LILRB2: variants seen among roughly 807,000 people sequenced by gnomAD.
LILRB2 encodes the protein leukocyte immunoglobulin-like receptor subfamily B member 2.
LILRB2 carries 47 observed loss-of-function variants against 72.7 expected under a neutral mutation model. The observed-to-expected ratio is 0.65, with a 90% CI of 0.51 to 0.82. LILRB2 has a LOEUF of 0.82. Among genes scored for constraint, LILRB2 ranks in the 40% least tolerant of loss-of-function variants. The pLI is 0.00. For missense variants in LILRB2, 767 were observed against 764.8 expected, an observed-to-expected ratio of 1.00 and a Z score of -0.03; for synonymous variants, 279 against 313.7, an observed-to-expected ratio of 0.89 and a Z score of 1.17.
chr19:54,279,580 G>A lies in LILRB2; in HGVS notation c.423C>T (p.Thr141=). Residue 141 remains threonine (T), a synonymous_variant, in exon 5 of 14, where the codon ACC becomes ACT. Transcript: ENST00000314446. ...SPVVTSGGRV[T]LQCESQVAFG... ...ATGCCACCTGTGACTCACACTGGAG[G>A]GTCACCCTTCCTCCTGAGGTCACCA... The A allele has an allele frequency of 6.2e-7, 1 of 1,614,156 alleles. No homozygotes were observed. Among genetic ancestry groups the A allele is most frequent in the Non-Finnish European group, 8.5e-7 (1 of 1,180,012 alleles).
rs1367017918 is a variant in LILRB2, at chr19:54,276,470, G to C, written c.1481-14C>G. On this transcript the variant is annotated splice_polypyrimidine_tract_variant and intron_variant, in intron 10 of 13. Coordinates refer to ENST00000314446, the MANE Select transcript of LILRB2 (RefSeq NM_001080978.4). ...CCTTTCTCTGGGCTGGGGGAAGAAG[G>C]ACAGAGCCTCAGCCCTGGGAACATT... 6.4e-7 allele frequency: 1 copy of C among 1,554,838 alleles called. No homozygotes were observed. The highest frequency in any genetic ancestry group is 1.2e-5 in the South Asian group (1 of 86,638).
rs2080229671 is a variant in LILRB2, at chr19:54,276,413, C to A, written c.1524G>T (p.Gly508=). The A allele has an allele frequency of 6.2e-7, 1 of 1,600,156 alleles. No homozygotes were observed. Among genetic ancestry groups the A allele is most frequent in the South Asian group, 1.1e-5 (1 of 90,802 alleles). Residue 508 remains glycine (G), a synonymous_variant, in exon 11 of 14, where the codon GGG becomes GGT. Coordinates refer to ENST00000314446, the MANE Select transcript of LILRB2 (RefSeq NM_001080978.4). ...GCAGGCCTCTGTCTGTGGGCTCTGG[C>A]CCCACAGCCCCTGCAGGATGTTGGA... is the stretch of plus-strand genomic sequence containing the variant. ...ADFQHPAGAV[G]PEPTDRGLQW...
At position 54,275,708 on chromosome 19, in the gene LILRB2, C is replaced by A. The variant is rs143151372; in HGVS notation, c.1647+243G>T. 3,814 of 646,030 alleles carry A rather than the reference C, an allele frequency of 5.9e-3. 35 individuals are homozygous for A. Among genetic ancestry groups the A allele is most frequent in the African/African-American group, 0.032 (1,782 of 55,090 alleles). 40.0% of individuals were successfully genotyped at this position (646,030 alleles called of 1,614,324 possible). On this transcript the variant is annotated intron_variant, in intron 13 of 13. Coordinates refer to ENST00000314446, the MANE Select transcript of LILRB2 (RefSeq NM_001080978.4). ...CCTCATCCTCCAGAGGCCTGGGGAGCGCTCTAACAACCAGACGGCCAAACA... is the reference window on the plus strand; with the variant it reads ...CCTCATCCTCCAGAGGCCTGGGGAGAGCTCTAACAACCAGACGGCCAAACA...
chr19:54,278,045 C>T, intron 7 of LILRB2, 106 bp from the exon 8 acceptor site: 1 of 1,105,838 alleles, frequency 9.0e-7, no homozygotes, highest in South Asian at 1.6e-5. Context: ...AGGCCCCTCC[C>T]TCCACCCGCC....
Position 54,277,925 on chromosome 19 carries a change from A to G in LILRB2, c.1273T>C (p.Ser425Pro), listed in dbSNP as rs2080323525. 2.0e-6 allele frequency: 3 copies of G among 1,536,604 alleles called. No individual in the cohort carries two copies. The highest frequency in any genetic ancestry group is 2.5e-5 in the East Asian group (1 of 40,790). ...ELVVSGPSMG[S>P]SPPPTGPIST... ...ATGGGACCGGTGGGTGGGGGGCTGG[A>G]ACCCATGGAGGGTCCTGGGTGAAAG... The change falls in exon 8 of 14, where the codon TCC (serine) becomes CCC (proline). Residue 425 changes from serine (S) to proline (P), a missense_variant. Around this residue, in one of 3 missense-constraint regions of LILRB2, gnomAD observed 599 missense variants for 568.2 expected, o/e 1.05. Coordinates refer to ENST00000314446, the MANE Select transcript of LILRB2 (RefSeq NM_001080978.4).
chr19:54,279,905 C>G lies in LILRB2; in HGVS notation c.241G>C (p.Gly81Arg), dbSNP rs1432809973. The change falls in exon 4 of 14, where the codon GGC becomes CGC. Residue 81 changes from glycine to arginine, a missense_variant. Around this residue, in one of 3 missense-constraint regions of LILRB2, gnomAD observed 599 missense variants for 568.2 expected, o/e 1.05. Coordinates refer to ENST00000314446, the MANE Select transcript of LILRB2 (RefSeq NM_001080978.4). Reference sequence around the variant, plus strand: ...GTGATGGATGGGATGTGGAACTGGCCGTTCTTCACAAGCTCTGGTCGTATC... The same window carrying G: ...GTGATGGATGGGATGTGGAACTGGCGGTTCTTCACAAGCTCTGGTCGTATC... Reference protein sequence around the residue: ...TRIRPELVKNGQFHIPSITWE... With the variant: ...TRIRPELVKNRQFHIPSITWE... 6.2e-7 allele frequency: 1 copy of G among 1,614,086 alleles called. No individual in the cohort carries two copies. Among genetic ancestry groups the G allele is most frequent in the African/African-American group, 1.3e-5 (1 of 75,004 alleles).
rs191476279 is a variant in LILRB2, at chr19:54,280,645, C to T, written c.-48-101G>A. 226 of 1,485,444 alleles carry T rather than the reference C, an allele frequency of 1.5e-4. 1 individual carries two copies. The African/African-American group carries it at 2.9e-3, about 19-fold the overall frequency. The allele number at this position is 1,485,444 out of a possible 1,614,324, so 92.0% of individuals were successfully genotyped here. On this transcript the variant is annotated intron_variant, in intron 1 of 13. Transcript: ENST00000314446. The stretch of plus-strand genomic sequence containing the variant: ...CCTTCTCATGGGGTGTTGTCATCTG[C>T]AGCCACACAAGAAGCGGAACTGCCC...
intron 12 of LILRB2, 43 bp downstream of exon 12, chr19:54,276,221 C>T (rs369741334): frequency 5.6e-6 from 9 of 1,612,928 alleles, no homozygotes; most frequent in Admixed American, 3.3e-5. Flanking sequence ...AACTTCGGGG[C>T]CCCTATCTCC....
Position 54,277,613 on chromosome 19 carries a change from G to C in LILRB2, c.1310-16C>G, listed in dbSNP as rs776376741. On this transcript the variant is annotated splice_polypyrimidine_tract_variant and intron_variant, in intron 8 of 13. Coordinates refer to ENST00000314446, the MANE Select transcript of LILRB2 (RefSeq NM_001080978.4). ...TCCTCAGGGCCTGCTGGGTCAGGAC[G>C]GGGAGGTGAGGGCTGGGGCTGCCCT... The C allele has an allele frequency of 9.5e-4, 1,477 of 1,559,792 alleles. 18 individuals carry two copies. In the African/African-American group the frequency reaches 0.016, roughly 17 times the overall value.
Position 54,274,623 on chromosome 19 carries a change from C to T in LILRB2, c.*60G>A, listed in dbSNP as rs985455015. 3.8e-5 allele frequency: 61 copies of T among 1,611,894 alleles called. No individual in the cohort carries two copies. Among genetic ancestry groups the T allele is most frequent in the Admixed American group, 6.7e-5 (4 of 59,958 alleles). On this transcript the variant is annotated 3_prime_UTR_variant, in exon 14 of 14. Coordinates refer to ENST00000314446, the MANE Select transcript of LILRB2 (RefSeq NM_001080978.4). ...ATTGGTGTCCACTGGGGGCAGCTCC[C>T]GTGCCTTCAGCAGTCCTGAGTCTCC...
rs761668565 is a variant in LILRB2 at position 54,278,480 on chromosome 19, C to A, written c.1038G>T (p.Gln346His). The change falls in exon 7 of 14, where the codon CAG becomes CAT. Residue 346 changes from glutamine (Q) to histidine (H), a missense_variant. Physicochemically the swap from Gln to His is conservative, Grantham distance 24. This residue lies in a region of LILRB2 where 599 missense variants were observed against 568.2 expected (regional missense o/e 1.05). Coordinates refer to ENST00000314446, the MANE Select transcript of LILRB2 (RefSeq NM_001080978.4). Reference sequence around the variant, plus strand: ...GGAAAGTGTGGAACTGCCGCCATGACTGACACAGCAGGGTCACGTTCTCTC... The same window carrying A: ...GGAAAGTGTGGAACTGCCGCCATGAATGACACAGCAGGGTCACGTTCTCTC... ...ASGENVTLLC[Q>H]SWRQFHTFLL... is the part of the protein sequence containing the mutation. 3.7e-6 allele frequency: 6 copies of A among 1,614,252 alleles called. No individual in the cohort carries two copies. Among genetic ancestry groups the A allele is most frequent in the South Asian group, 2.2e-5 (2 of 91,086 alleles).
chr19:54,275,849 G>A (rs933953770), intron 13 of LILRB2, 102 bp downstream of exon 13: 22 of 1,447,634 alleles, frequency 1.5e-5, no homozygotes, highest in African/African-American at 7.0e-5. Flanking sequence ...GGGGTCCACC[G>A]TGACGATGCT....
Position 54,279,891 on chromosome 19 carries a change from G to A in LILRB2, c.255C>T (p.Ile85=), listed in dbSNP as rs149160686. 1,123 of 1,614,124 alleles carry A rather than the reference G, an allele frequency of 7.0e-4. 3 individuals are homozygous for A. The highest frequency in any genetic ancestry group is 5.4e-4 in the Non-Finnish European group (634 of 1,180,000). The change falls in exon 4 of 14, where the codon ATC becomes ATT. Residue 85 remains isoleucine, a synonymous_variant. Coordinates refer to ENST00000314446, the MANE Select transcript of LILRB2 (RefSeq NM_001080978.4). The stretch of plus-strand genomic sequence containing the variant: ...CTGTGTGTTCCCAGGTGATGGATGG[G>A]ATGTGGAACTGGCCGTTCTTCACAA... ...PELVKNGQFH[I]PSITWEHTGR... is the part of the protein sequence containing the mutation.
At position 54,276,548 on chromosome 19, in the gene LILRB2, A is replaced by G. The variant is rs1348846348; in HGVS notation, c.1481-92T>C. Reference sequence around the variant, plus strand: ...CGAAGGTAAGGAAGGAAACCTAAAAACACTCCTGCCTCCATGTTCCAAATG... The same window carrying G: ...CGAAGGTAAGGAAGGAAACCTAAAAGCACTCCTGCCTCCATGTTCCAAATG... On this transcript the variant is annotated intron_variant, in intron 10 of 13. Transcript: ENST00000314446. The G allele has an allele frequency of 1.4e-5, 19 of 1,360,482 alleles. No homozygotes were observed. In the East Asian group the frequency reaches 3.4e-4, roughly 24 times the overall value. The allele number at this position is 1,360,482 out of a possible 1,614,324, so 84.3% of individuals were successfully genotyped here.
chr19:54,276,380 C>T lies in LILRB2; in HGVS notation c.1556+1G>A. ...AGTCTGGGGTCTTCGGGCAGAATTA[C>T]CTCCACTGCAGGCCTCTGTCTGTGG... On this transcript the variant is annotated splice_donor_variant, in intron 11 of 13. Coordinates refer to ENST00000314446, the MANE Select transcript of LILRB2 (RefSeq NM_001080978.4). LOFTEE classifies it high-confidence loss of function. 1 of 1,606,866 alleles carries T rather than the reference C, an allele frequency of 6.2e-7. No individual in the cohort carries two copies. The highest frequency in any genetic ancestry group is 8.5e-7 in the Non-Finnish European group (1 of 1,174,142).
At chr19:54,280,749 A>T in intron 1 of LILRB2, 1 of 791,626 alleles carries the variant, frequency 1.3e-6, no homozygotes, top group Non-Finnish European at 2.1e-6. Flanking sequence ...TTCAGACTGT[A>T]ATGGGGTCTT....
chr19:54,275,458 C>T, intron 13 of LILRB2: 2 of 524,312 alleles, frequency 3.8e-6, no homozygotes, highest in Non-Finnish European at 7.5e-6. Flanking sequence ...ACTCTCTGCC[C>T]TTTCCCTGGT....
At chr19:54,277,121 C>A in intron 9 of LILRB2, 192 bp from the exon 10 acceptor site, 1 of 1,502,760 alleles carries the variant, frequency 6.7e-7, no homozygotes. Flanking sequence ...GCCCCGGGCC[C>A]CCAGCCAGGA....
rs368937832 is a variant in LILRB2 at position 54,278,990 on chromosome 19, C to G, written c.777G>C (p.Glu259Asp). ...VGYDRFVLYKEGERDLRQLPG... is the reference protein window; with the variant it reads ...VGYDRFVLYKDGERDLRQLPG... Reference sequence around the variant, plus strand: ...GGAGCTGGCGAAGGTCACGTTCCCCCTCCTTGTACAGAACAAATCTGTCAT... The same window carrying G: ...GGAGCTGGCGAAGGTCACGTTCCCCGTCCTTGTACAGAACAAATCTGTCAT... The change falls in exon 6 of 14, where the codon GAG becomes GAC. Residue 259 changes from glutamate (E) to aspartate (D), a missense_variant. By Grantham distance (45) the Glu-to-Asp change is conservative. Transcript: ENST00000314446. 1.2e-6 allele frequency: 2 copies of G among 1,613,918 alleles called. No individual in the cohort carries two copies. Among genetic ancestry groups the G allele is most frequent in the South Asian group, 1.1e-5 (1 of 91,072 alleles).
Sources: gnomAD v4.1 joint callset for allele counts on GRCh38, gnomAD v4.1.1 for gene constraint, gnomAD v4.1.1 regional missense constraint, MANE v1.5 for transcripts, NCBI Gene and HGNC (gene_info 2026-07-23, HGNC 2026-07-21) for gene names.